PEX5L: variants seen among roughly 807,000 people sequenced by gnomAD.
PEX5L encodes peroxisomal biogenesis factor 5 like, also known as PEX5-related protein.
In PEX5L, 30 loss-of-function variants were observed where a neutral mutation model predicts 84.0. The observed-to-expected ratio is 0.36, with a 90% CI of 0.27 to 0.48. The LOEUF (loss-of-function observed/expected upper bound fraction) is 0.48. Among genes scored for constraint, PEX5L ranks in the 20% least tolerant of loss-of-function variants. PEX5L has a pLI of 0.99. For synonymous variants in PEX5L, 270 were observed against 283.1 expected (o/e 0.95, Z 0.46); for missense variants, 533 against 754.6 (o/e 0.71, Z 3.44).
chr3:179,933,542 G>C (rs773752265), intron 2 of PEX5L, among the ~76,000 whole-genome samples: 2 of 152,112 alleles, frequency 1.3e-5, no homozygotes, highest in Non-Finnish European at 2.9e-5. Flanking sequence ...AAAGACATTG[G>C]AAACTAGTCT....
At chr3:179,957,303 GA>G (rs1434144246) in intron 2 of PEX5L, among the ~76,000 whole-genome samples, 1 of 152,160 alleles carries the variant, frequency 6.6e-6, no homozygotes, top group East Asian at 1.9e-4. Context: ...TGTAGCTGGG[GA>G]GAAGGGCCCC....
At chr3:179,873,663 C>T (rs758983549) in intron 7 of PEX5L, among the ~76,000 whole-genome samples, 3 of 152,092 alleles carry the variant, frequency 2.0e-5, no homozygotes, top group Non-Finnish European at 4.4e-5. Context: ...CTACTTCCAC[C>T]AGTGATTTAG....
At chr3:179,995,346 G>A (rs1343028573) in intron 1 of PEX5L, among the ~76,000 whole-genome samples, 2 of 146,108 alleles carry the variant, frequency 1.4e-5, no homozygotes, top group East Asian at 3.9e-4. Context: ...AGAATATTAA[G>A]GATGGGGTTC....
chr3:179,903,483 G>A (rs1762119932), intron 2 of PEX5L, among the ~76,000 whole-genome samples: 1 of 152,168 alleles, frequency 6.6e-6, no homozygotes, highest in Non-Finnish European at 1.5e-5. Flanking sequence ...TCCTGCCTTA[G>A]TCTTCCAGGG....
intron 2 of PEX5L, among the ~76,000 whole-genome samples, chr3:179,946,350 A>G (rs1777542235): frequency 6.6e-6 from 1 of 152,212 alleles, no homozygotes; most frequent in African/African-American, 2.4e-5. Flanking sequence ...TAAAGGAAAT[A>G]AAGAGCCTAG....
intron 7 of PEX5L, among the ~76,000 whole-genome samples, chr3:179,862,385 A>T (rs1746526413): frequency 6.6e-6 from 1 of 152,210 alleles, no homozygotes; most frequent in Non-Finnish European, 1.5e-5. Flanking sequence ...AACAAATATA[A>T]AGGGGAAGAC....
intron 11 of PEX5L, among the ~76,000 whole-genome samples, chr3:179,810,584 G>A (rs1426197394): frequency 6.6e-6 from 1 of 152,128 alleles, no homozygotes; most frequent in Non-Finnish European, 1.5e-5. Context: ...CTACTGGGGT[G>A]GGCCTGGGAT....
At chr3:180,002,354 A>G (rs1788502125) in intron 1 of PEX5L, among the ~76,000 whole-genome samples, 1 of 152,100 alleles carries the variant, frequency 6.6e-6, no homozygotes, top group Non-Finnish European at 1.5e-5. Context: ...AGCCTTTCTT[A>G]GTTATGCCTT....
chr3:179,979,612 T>C (rs1282895560), intron 1 of PEX5L, among the ~76,000 whole-genome samples: 1 of 152,160 alleles, frequency 6.6e-6, no homozygotes. Context: ...AGAATTGACG[T>C]ATTATCTTGG....
intron 2 of PEX5L, among the ~76,000 whole-genome samples, chr3:179,940,379 T>C (rs1248465981): frequency 6.6e-6 from 1 of 151,402 alleles, no homozygotes; most frequent in Non-Finnish European, 1.5e-5. Flanking sequence ...GCAGTTACTG[T>C]GTGTGTTGGG....
At chr3:179,809,097 A>AAAAG in intron 12 of PEX5L, among the ~76,000 whole-genome samples, 1 of 150,856 alleles carries the variant, frequency 6.6e-6, no homozygotes, top group Non-Finnish European at 1.5e-5. Flanking sequence ...AAAAAAAAAA[A>AAAAG]AAAGAAAACA....
At chr3:179,832,401 T>C (rs73058638) in intron 8 of PEX5L, among the ~76,000 whole-genome samples, 1,968 of 145,432 alleles carry the variant, frequency 0.014, 46 homozygotes, top group African/African-American at 0.048. Context: ...CCAACCTTTG[T>C]ATTTACTTAC....
At chr3:179,986,484 G>A (rs961568130) in intron 1 of PEX5L, among the ~76,000 whole-genome samples, 1 of 146,624 alleles carries the variant, frequency 6.8e-6, no homozygotes, top group Non-Finnish European at 1.5e-5. Flanking sequence ...CTCACCGCAA[G>A]CTCCGCCTCC....
chr3:179,971,118 T>G (rs1162554742), intron 2 of PEX5L, among the ~76,000 whole-genome samples: 1 of 152,164 alleles, frequency 6.6e-6, no homozygotes, highest in Non-Finnish European at 1.5e-5. Context: ...CAGAATCATC[T>G]TTATATATAT....
chr3:180,022,951 G>A (rs770168620), intron 1 of PEX5L, among the ~76,000 whole-genome samples: 4 of 152,184 alleles, frequency 2.6e-5, no homozygotes, highest in Non-Finnish European at 4.4e-5. Flanking sequence ...TGAGTAAGTG[G>A]TAGAAAGAAT....
chr3:180,035,720 T>C (rs1791844090), intron 1 of PEX5L, among the ~76,000 whole-genome samples: 1 of 152,220 alleles, frequency 6.6e-6, no homozygotes, highest in Non-Finnish European at 1.5e-5. Flanking sequence ...TTTGACCATC[T>C]TTGGAATGGA....
chr3:179,925,031 T>C (rs1371838140), intron 2 of PEX5L, among the ~76,000 whole-genome samples: 1 of 152,120 alleles, frequency 6.6e-6, no homozygotes, highest in African/African-American at 2.4e-5. Context: ...ATCTGAGAGG[T>C]AAGAATTAGA....
intron 8 of PEX5L, chr3:179,820,683 A>C (rs1728166525): frequency 6.6e-6 from 1 of 152,244 alleles, no homozygotes; most frequent in African/African-American, 2.4e-5. Flanking sequence ...TCGGTAAGGG[A>C]AATCAGGCTG....
At position 179,798,003 on chromosome 3, in the gene PEX5L, G is replaced by A. The variant is rs904346952; in HGVS notation, c.*3825C>T. ...CTGTATTCCCAAGCTCACAGACAAAGTTTATGATAAAGAGTTTGGAAGCTT... is the reference window on the plus strand; with the variant it reads ...CTGTATTCCCAAGCTCACAGACAAAATTTATGATAAAGAGTTTGGAAGCTT... On this transcript the variant is annotated 3_prime_UTR_variant, in exon 15 of 15. Transcript: ENST00000467460. The A allele has an allele frequency of 1.3e-5, 2 of 152,146 alleles. No homozygotes were observed. The highest frequency in any genetic ancestry group is 4.8e-5 in the African/African-American group (2 of 41,424). The allele number at this position is 152,146 out of a possible 1,614,324, so 9.4% of individuals were successfully genotyped here. A position where few individuals can be genotyped will look rare whatever the true frequency, so the allele number is the denominator to read the frequency against.
Sources: gnomAD v4.1 joint callset for allele counts (sites outside exome capture counted in the v4.1 genomes callset) on GRCh38, gnomAD v4.1.1 for gene constraint, MANE v1.5 for transcripts, NCBI Gene and HGNC (gene_info 2026-07-23, HGNC 2026-07-21) for gene names.